The following WDR41 variants were observed in gnomAD, a reference collection of about 807,000 sequenced individuals.
WDR41 encodes the protein WD repeat-containing protein 41.
Under a neutral mutation model 69.3 loss-of-function variants are expected in WDR41, and 63 were observed. The ratio of observed to expected loss-of-function variants is 0.91; its 90% CI spans 0.74 to 1.12. The LOEUF (loss-of-function observed/expected upper bound fraction) is 1.12. WDR41 is among the 50% of genes most tolerant of loss of function. The probability of loss-of-function intolerance (pLI) is 0.00; values close to 1 mark genes in which losing one functional copy is unlikely to be tolerated. For synonymous variants in WDR41, 185 were observed against 192.1 expected (o/e 0.96, Z 0.31); for missense variants, 543 against 534.5 (o/e 1.02, Z -0.16).
intron 1 of WDR41, among the ~76,000 whole-genome samples, chr5:77,523,892 A>G (rs1009545221): frequency 3.3e-5 from 5 of 152,244 alleles, no homozygotes; most frequent in Non-Finnish European, 7.3e-5. Flanking sequence ...GAATGAACTA[A>G]GAGGATTTGA....
At chr5:77,489,926 A>G (rs1280236916) in intron 1 of WDR41, among the ~76,000 whole-genome samples, 2 of 152,230 alleles carry the variant, frequency 1.3e-5, no homozygotes, top group African/African-American at 4.8e-5. Flanking sequence ...TTTAGAATGC[A>G]TGTTTCTCAG....
Position 77,608,724 on chromosome 5 carries a change from T to A in WDR41, c.42+11755A>T, listed in dbSNP as rs112534113. ...TCTGGTCTACAGCTCCCAGCGTGAG[T>A]GACGCAGAAGATGGGTGATTTCTGC... On this transcript the variant is annotated intron_variant, in intron 1 of 5. Coordinates refer to the WDR41 transcript ENST00000509971. Among the ~76,000 whole-genome samples, 2 of 152,062 alleles carry A rather than the reference T, an allele frequency of 1.3e-5. 1 individual carries two copies. Among genetic ancestry groups the A allele is most frequent in the Middle Eastern group, 6.8e-3 (2 of 294 alleles).
At position 77,459,042 on chromosome 5, in the gene WDR41, A is replaced by T. The variant is rs1799938384; in HGVS notation, c.411+20T>A. On this transcript the variant is annotated intron_variant, in intron 5 of 12. Coordinates refer to ENST00000296679, the MANE Select transcript of WDR41 (RefSeq NM_018268.4). ...CAAAAATAGATTGTCATAAAAACTC[A>T]TATTTACTTAAGATTTTACCTTTAC... 1.3e-6 allele frequency: 2 copies of T among 1,546,218 alleles called. No homozygotes were observed. Among genetic ancestry groups the T allele is most frequent in the South Asian group, 2.4e-5 (2 of 83,570 alleles).
intron 5 of WDR41, among the ~76,000 whole-genome samples, chr5:77,456,808 C>T (rs933989442): frequency 6.6e-6 from 1 of 152,094 alleles, no homozygotes; most frequent in African/African-American, 2.4e-5. Flanking sequence ...CTCAAGTGAT[C>T]CTTCCACCTC....
At chr5:77,515,638 C>A (rs1802280876) in intron 1 of WDR41, among the ~76,000 whole-genome samples, 1 of 152,094 alleles carries the variant, frequency 6.6e-6, no homozygotes, top group Admixed American at 6.5e-5. Context: ...TTTGTTTACA[C>A]CAGCATCCCC....
chr5:77,591,720 T>G (rs1042928856), intron 1 of WDR41, among the ~76,000 whole-genome samples: 3 of 152,168 alleles, frequency 2.0e-5, no homozygotes, highest in African/African-American at 7.2e-5. Flanking sequence ...TTTCTGTTAT[T>G]GAATTCTACT....
chr5:77,488,578 A>C (rs1279510708), intron 2 of WDR41, among the ~76,000 whole-genome samples: 1 of 152,214 alleles, frequency 6.6e-6, no homozygotes, highest in Non-Finnish European at 1.5e-5. Context: ...GCAAAAGACA[A>C]AATTAGAGAT....
intron 1 of WDR41, among the ~76,000 whole-genome samples, chr5:77,610,340 A>G (rs1413266559): frequency 6.6e-6 from 1 of 152,214 alleles, no homozygotes; most frequent in African/African-American, 2.4e-5. Flanking sequence ...AGCAACTCCA[A>G]GACACATAAT....
At position 77,432,989 on chromosome 5, in the gene WDR41, G is replaced by T; in HGVS notation, c.*146C>A. The T allele has an allele frequency of 1.2e-6, 1 of 809,518 alleles. No individual in the cohort carries two copies. The allele number at this position is 809,518 out of a possible 1,614,324, so 50.1% of individuals were successfully genotyped here. On this transcript the variant is annotated 3_prime_UTR_variant, in exon 13 of 13. Coordinates refer to ENST00000296679, the MANE Select transcript of WDR41 (RefSeq NM_018268.4). Reference sequence around the variant, plus strand: ...AGAAGCAACATGTTCCTGGTTGGTAGGTCCACAAAAAATTTAAACATGTAG... The same window carrying T: ...AGAAGCAACATGTTCCTGGTTGGTATGTCCACAAAAAATTTAAACATGTAG...
chr5:77,518,032 CA>C (rs200117575), intron 1 of WDR41, among the ~76,000 whole-genome samples: 1 of 151,806 alleles, frequency 6.6e-6, no homozygotes, highest in South Asian at 2.1e-4. Flanking sequence ...TGAGCTCCCT[CA>C]AAAAAAAGTG....
chr5:77,551,703 C>T (rs938705584), intron 1 of WDR41, among the ~76,000 whole-genome samples: 2 of 145,280 alleles, frequency 1.4e-5, no homozygotes, highest in African/African-American at 5.1e-5. Flanking sequence ...AAAGCCTGGG[C>T]GAGGTGGCTG....
At chr5:77,434,514 G>A (rs1302020053) in intron 12 of WDR41, among the ~76,000 whole-genome samples, 1 of 151,916 alleles carries the variant, frequency 6.6e-6, no homozygotes, top group Non-Finnish European at 1.5e-5. Context: ...GGACCAGCCT[G>A]GCCAACATGG....
intron 3 of WDR41, 80 bp from the exon 4 acceptor site, chr5:77,463,306 C>A: frequency 7.4e-7 from 1 of 1,349,410 alleles, no homozygotes. Flanking sequence ...AGTACAACTA[C>A]CATATAGAAG....
chr5:77,448,543 C>T (rs1799478184), intron 8 of WDR41, among the ~76,000 whole-genome samples: 1 of 152,002 alleles, frequency 6.6e-6, no homozygotes, highest in African/African-American at 2.4e-5. Context: ...TCCCTCGCTC[C>T]CCTTTGTCTC....
chr5:77,474,529 A>G (rs1800800544), intron 2 of WDR41, among the ~76,000 whole-genome samples: 2 of 152,322 alleles, frequency 1.3e-5, no homozygotes, highest in South Asian at 4.2e-4. Flanking sequence ...AGGGACTTGT[A>G]AAGGAGTTGA....
intron 1 of WDR41, chr5:77,545,695 G>A (rs897251431): frequency 1.4e-5 from 7 of 485,628 alleles, no homozygotes; most frequent in Non-Finnish European, 2.5e-5. Flanking sequence ...GGTTTTAAAG[G>A]TTACGCCAGT....
At chr5:77,482,941 A>T (rs1801345272) in intron 2 of WDR41, among the ~76,000 whole-genome samples, 1 of 151,144 alleles carries the variant, frequency 6.6e-6, no homozygotes, top group Non-Finnish European at 1.5e-5. Context: ...CAGGAGGGGG[A>T]TAACAACCTT....
intron 1 of WDR41, chr5:77,546,159 A>C: frequency 2.1e-6 from 1 of 469,684 alleles, no homozygotes; most frequent in East Asian, 3.5e-5. Flanking sequence ...CTGGAAGGAG[A>C]CTGTATTCAC....
intron 4 of WDR41, among the ~76,000 whole-genome samples, chr5:77,459,652 A>C (rs1799961195): frequency 6.6e-6 from 1 of 152,210 alleles, no homozygotes; most frequent in African/African-American, 2.4e-5. Context: ...GTTCAGTTTG[A>C]CTTAAGCACA....
Sources: allele counts gnomAD v4.1 joint callset (sites outside exome capture counted in the v4.1 genomes callset), GRCh38; gene constraint gnomAD v4.1.1; transcripts MANE v1.5; gene names NCBI Gene and HGNC (gene_info 2026-07-23, HGNC 2026-07-21).